TBC1D19: variants seen among roughly 807,000 people sequenced by gnomAD.
TBC1D19 encodes the protein TBC1 domain family member 19, also known as TBC1 domain family, member 19.
In TBC1D19, 60 loss-of-function variants were observed where a neutral mutation model predicts 89.0. The ratio of observed to expected loss-of-function variants is 0.67; its 90% CI spans 0.55 to 0.84. The LOEUF is 0.84. Ranked by LOEUF, TBC1D19 falls within the 40% of genes least tolerant of loss-of-function variation. The pLI is 0.00. For synonymous variants in TBC1D19, 189 were observed against 199.7 expected, an observed-to-expected ratio of 0.95 and a Z score of 0.45; for missense variants, 500 against 610.8, an observed-to-expected ratio of 0.82 and a Z score of 1.91.
Position 26,683,861 on chromosome 4 carries a change from T to A in TBC1D19, c.891+112T>A, listed in dbSNP as rs545378914. The A allele has an allele frequency of 2.1e-4, 178 of 838,344 alleles. 5 individuals are homozygous for A. The South Asian group carries it at 3.4e-3, about 16-fold the overall frequency. 51.9% of individuals were successfully genotyped at this position (838,344 alleles called of 1,614,324 possible). ...GATATATATTAACCTTGAAAAATAA[T>A]TTTAAGTGATTAGATTTATACATAT... On this transcript the variant is annotated intron_variant, in intron 12 of 20. Transcript: ENST00000264866.
chr4:26,631,435 T>G (rs1006467557), intron 4 of TBC1D19, among the ~76,000 whole-genome samples: 19 of 152,260 alleles, frequency 1.2e-4, no homozygotes, highest in African/African-American at 3.9e-4. Context: ...TCATCTTTAG[T>G]GGCATGTATT....
At chr4:26,804,933 A>G in the TBC1D19 span, among the ~76,000 whole-genome samples, 2 of 152,218 alleles carry the variant, frequency 1.3e-5, no homozygotes, top group African/African-American at 4.8e-5. Flanking sequence ...CAAGCGGAAC[A>G]TGGCTTTTCT....
At chr4:26,587,032 A>C (rs1408498968) in intron 1 of TBC1D19, among the ~76,000 whole-genome samples, 1 of 152,040 alleles carries the variant, frequency 6.6e-6, no homozygotes, top group Non-Finnish European at 1.5e-5. Flanking sequence ...TTCTATCCCT[A>C]GTTTTCTGAG....
chr4:26,636,653 T>C (rs1377066039), intron 4 of TBC1D19, among the ~76,000 whole-genome samples: 1 of 152,042 alleles, frequency 6.6e-6, no homozygotes, highest in Non-Finnish European at 1.5e-5. Flanking sequence ...TGAGTATATA[T>C]GGACTAAGTA....
chr4:26,605,701 A>C (rs184995845), intron 1 of TBC1D19, among the ~76,000 whole-genome samples: 3,713 of 151,766 alleles, frequency 0.024, 127 homozygotes, highest in African/African-American at 0.083. Context: ...TTCTCCACAA[A>C]CTCTCCAGCA....
Position 26,638,767 on chromosome 4 carries a change from C to G in TBC1D19, c.370-4C>G. 4 of 1,605,864 alleles carry G rather than the reference C, an allele frequency of 2.5e-6. No homozygotes were observed. Among genetic ancestry groups the G allele is most frequent in the Non-Finnish European group, 3.4e-6 (4 of 1,177,580 alleles). On this transcript the variant is annotated splice_polypyrimidine_tract_variant and splice_region_variant and intron_variant, in intron 5 of 20. Transcript: ENST00000264866. ...GAAACCAGTTTCAAAATTACCTTTT[C>G]CAGAGGCCAGTTGGAGAACAGAAAG...
chr4:26,588,460 T>C (rs1739566275), intron 1 of TBC1D19, among the ~76,000 whole-genome samples: 1 of 152,196 alleles, frequency 6.6e-6, no homozygotes, highest in African/African-American at 2.4e-5. Context: ...TTTTTTCTGC[T>C]TGCTTTGGAT....
the TBC1D19 span, among the ~76,000 whole-genome samples, chr4:26,818,680 A>C: frequency 6.6e-6 from 1 of 152,232 alleles, no homozygotes; most frequent in South Asian, 2.1e-4. Context: ...ACACAAACAC[A>C]CATTTTTGTC....
At chr4:26,595,434 A>G (rs964235636) in intron 1 of TBC1D19, among the ~76,000 whole-genome samples, 7 of 152,200 alleles carry the variant, frequency 4.6e-5, no homozygotes, top group African/African-American at 1.7e-4. Flanking sequence ...TGATTGATCA[A>G]TTGTTTTCTT....
chr4:26,850,572 G>GAAAGAA, the TBC1D19 span, among the ~76,000 whole-genome samples: 28 of 124,452 alleles, frequency 2.2e-4, no homozygotes, highest in East Asian at 4.4e-3. Flanking sequence ...AGAAGAAGAA[G>GAAAGAA]AAAGAAAAAG....
rs869124166 is a variant in TBC1D19 at position 26,590,796 on chromosome 4, G to GTTTTTTTTTTTTTTTTTTTTTT, written c.99+6514_99+6535dup. On this transcript the variant is annotated intron_variant, in intron 1 of 20. Coordinates refer to ENST00000264866, the MANE Select transcript of TBC1D19 (RefSeq NM_018317.4). ...GGTTCACTCTTTGTCTTGCAGGTCT[G>GTTTTTTTTTTTTTTTTTTTTTT]TTTTTTTTTTTTTTTTTTTTTTTTT... Among the ~76,000 whole-genome samples, 51 of 52,956 alleles carry GTTTTTTTTTTTTTTTTTTTTTT rather than the reference G, an allele frequency of 9.6e-4. 5 individuals are homozygous for GTTTTTTTTTTTTTTTTTTTTTT. The highest frequency in any genetic ancestry group is 1.7e-3 in the South Asian group (2 of 1,200). The allele number at this position is 52,956 out of a possible 152,430, so 34.7% of individuals were successfully genotyped here. A position where few individuals can be genotyped will look rare whatever the true frequency, so the allele number is the denominator to read the frequency against.
chr4:26,704,450 T>C (rs1715574126), intron 13 of TBC1D19, among the ~76,000 whole-genome samples: 1 of 152,216 alleles, frequency 6.6e-6, no homozygotes, highest in African/African-American at 2.4e-5. Context: ...ATCTGGCATA[T>C]ACTTAGTAGT....
At chr4:26,842,648 T>TTTCTTTCTTTCTTTCTTTC in the TBC1D19 span, among the ~76,000 whole-genome samples, 2 of 132,118 alleles carry the variant, frequency 1.5e-5, no homozygotes, top group African/African-American at 5.9e-5. Flanking sequence ...TTCTTTCTTT[T>TTTCTTTCTTTCTTTCTTTC]TCTTTCTTCT....
chr4:26,598,005 C>T (rs1255783232), intron 1 of TBC1D19, among the ~76,000 whole-genome samples: 1 of 152,126 alleles, frequency 6.6e-6, no homozygotes, highest in East Asian at 1.9e-4. Flanking sequence ...ACAATGTACT[C>T]ACCCCTTTCT....
chr4:26,656,926 T>C (rs1044254778), intron 7 of TBC1D19, among the ~76,000 whole-genome samples: 2 of 151,170 alleles, frequency 1.3e-5, no homozygotes, highest in African/African-American at 4.9e-5. Context: ...TTTTTCCTTG[T>C]GAGTTTGGTT....
chr4:26,584,293 G>A lies in TBC1D19; in HGVS notation c.99+1G>A. 1 of 1,607,468 alleles carries A rather than the reference G, an allele frequency of 6.2e-7. No individual in the cohort carries two copies. Among genetic ancestry groups the A allele is most frequent in the Admixed American group, 1.7e-5 (1 of 58,748 alleles). On this transcript the variant is annotated splice_donor_variant, in intron 1 of 20. Coordinates refer to ENST00000264866, the MANE Select transcript of TBC1D19 (RefSeq NM_018317.4). LOFTEE classifies it high-confidence loss of function. ...CTCTCAGCTGGAACGGCAGGCCTGGGTAAGTGAGGCCGAGTGGGAAGGGAT... is the reference window on the plus strand; with the variant it reads ...CTCTCAGCTGGAACGGCAGGCCTGGATAAGTGAGGCCGAGTGGGAAGGGAT...
chr4:26,839,572 A>ACC, the TBC1D19 span, among the ~76,000 whole-genome samples: 80 of 149,188 alleles, frequency 5.4e-4, no homozygotes, highest in East Asian at 1.2e-3. Context: ...CTTTTCCATC[A>ACC]CCCCCCCGCC....
chr4:26,771,146 G>A, the TBC1D19 span, among the ~76,000 whole-genome samples: 18 of 151,576 alleles, frequency 1.2e-4, no homozygotes, highest in African/African-American at 3.9e-4. Context: ...ACAATGAGAT[G>A]TCACCTTCTA....
chr4:26,589,252 G>T (rs893155099), intron 1 of TBC1D19, among the ~76,000 whole-genome samples: 18 of 151,990 alleles, frequency 1.2e-4, no homozygotes, highest in Admixed American at 1.2e-3. Flanking sequence ...TTCAACCTAG[G>T]GGACAGAGCG....
Sources: gnomAD v4.1 joint callset for allele counts (sites outside exome capture counted in the v4.1 genomes callset) on GRCh38, gnomAD v4.1.1 for gene constraint, MANE v1.5 for transcripts, NCBI Gene and HGNC (gene_info 2026-07-23, HGNC 2026-07-21) for gene names.